SRGAP2: variants seen among roughly 807,000 people sequenced by gnomAD.
The protein encoded by SRGAP2 is SLIT-ROBO Rho GTPase-activating protein 2.
Under a neutral mutation model 57.2 loss-of-function variants are expected in SRGAP2, and 15 were observed. The observed-to-expected ratio is 0.26, with a 90% confidence interval of 0.18 to 0.40. SRGAP2 has a LOEUF of 0.40. SRGAP2 is among the 10% of genes least tolerant of loss of function. The pLI is 1.00. For synonymous variants in SRGAP2, 249 were observed against 248.0 expected (o/e 1.00, Z -0.04); for missense variants, 520 against 669.6 (o/e 0.78, Z 2.47).
intron 13 of SRGAP2, 81 bp from the exon 14 acceptor site, chr1:206,430,081 G>T: frequency 1.3e-6 from 1 of 772,416 alleles, no homozygotes. Context: ...AGACAGTTCT[G>T]CACGGTTTGG....
At chr1:206,401,077 A>G (rs1159575878) in intron 7 of SRGAP2, among the ~76,000 whole-genome samples, 1 of 151,774 alleles carries the variant, frequency 6.6e-6, no homozygotes, top group Non-Finnish European at 1.5e-5. Flanking sequence ...GAATTTTGTT[A>G]TAATGACAAC....
At chr1:206,377,374 A>C (rs1225470878) in intron 4 of SRGAP2, among the ~76,000 whole-genome samples, 1 of 151,508 alleles carries the variant, frequency 6.6e-6, no homozygotes, top group African/African-American at 2.4e-5. Context: ...GGGAGTCACT[A>C]ATACTGAAGC....
rs1057496407 is a variant in SRGAP2 at position 206,461,940 on chromosome 1, T to C, written c.*520T>C. The C allele has an allele frequency of 2.0e-5, 3 of 153,002 alleles. No homozygotes were observed. The highest frequency in any genetic ancestry group is 4.4e-5 in the Non-Finnish European group (3 of 68,718). 9.5% of individuals were successfully genotyped at this position (153,002 alleles called of 1,614,324 possible). ...ACACACACACACACATATGTTTTTC[T>C]AGTCTCTGGCATGTGTAGCCTCTCC... On this transcript the variant is annotated 3_prime_UTR_variant, in exon 23 of 23. Transcript: ENST00000573034.
chr1:206,392,975 C>T (rs2103101429), intron 6 of SRGAP2, 71 bp downstream of exon 6: 1 of 717,090 alleles, frequency 1.4e-6, no homozygotes. Flanking sequence ...AGGAATTTCC[C>T]AGTAGTCACT....
intron 2 of SRGAP2, among the ~76,000 whole-genome samples, chr1:206,217,262 G>A (rs1205944552): frequency 6.6e-6 from 1 of 152,056 alleles, no homozygotes; most frequent in African/African-American, 2.4e-5. Context: ...AGATGAGTAA[G>A]CTGCTCTTTG....
chr1:206,328,224 T>C (rs1674110716), intron 3 of SRGAP2, among the ~76,000 whole-genome samples: 1 of 60,944 alleles, frequency 1.6e-5, no homozygotes, highest in Non-Finnish European at 2.7e-5. Flanking sequence ...ACATTTGGGT[T>C]GGTTCCAAGT....
At chr1:206,425,508 TTAAC>T (rs1169774063) in intron 13 of SRGAP2, among the ~76,000 whole-genome samples, 4 of 152,182 alleles carry the variant, frequency 2.6e-5, no homozygotes, top group Admixed American at 1.3e-4. Flanking sequence ...TTTATACCCA[TTAAC>T]TAACCTCACT....
At chr1:206,327,464 A>T (rs1674021614) in intron 3 of SRGAP2, among the ~76,000 whole-genome samples, 1 of 144,050 alleles carries the variant, frequency 6.9e-6, no homozygotes, top group Admixed American at 7.0e-5. Flanking sequence ...TTTTGTGGGT[A>T]TGAATTCATT....
At chr1:206,410,564 C>T (rs907245305) in intron 10 of SRGAP2, among the ~76,000 whole-genome samples, 2 of 152,062 alleles carry the variant, frequency 1.3e-5, no homozygotes, top group Admixed American at 6.5e-5. Context: ...CAACAACTGA[C>T]GTATCTGTAA....
intron 10 of SRGAP2, among the ~76,000 whole-genome samples, chr1:206,408,817 T>C (rs1452894574): frequency 6.6e-6 from 1 of 151,842 alleles, no homozygotes; most frequent in Middle Eastern, 3.4e-3. Context: ...CCTTTCACTT[T>C]CTGTCTCAAT....
intron 2 of SRGAP2, among the ~76,000 whole-genome samples, chr1:206,259,447 C>A (rs1285374310): frequency 6.6e-6 from 1 of 150,844 alleles, no homozygotes; most frequent in African/African-American, 2.5e-5. Flanking sequence ...AGTGATCCTC[C>A]CACCTCAGCC....
At chr1:206,309,861 A>G (rs797039495) in intron 3 of SRGAP2, among the ~76,000 whole-genome samples, 17 of 149,424 alleles carry the variant, frequency 1.1e-4, no homozygotes, top group African/African-American at 4.1e-4. Flanking sequence ...AGAACAAAGA[A>G]CTAAATCCAG....
Position 206,458,942 on chromosome 1 carries a change from G to A in SRGAP2, c.2827G>A (p.Ala943Thr), listed in dbSNP as rs1553379593. 1 of 766,560 alleles carries A rather than the reference G, an allele frequency of 1.3e-6. No homozygotes were observed. The highest frequency in any genetic ancestry group is 1.7e-5 in the African/African-American group (1 of 58,780). 47.5% of individuals were successfully genotyped at this position (766,560 alleles called of 1,614,324 possible). The change falls in exon 22 of 23, where the codon GCT becomes ACT. Residue 943 changes from alanine to threonine, a missense_variant. By Grantham distance (58) the Ala-to-Thr change is moderately conservative. Transcript: ENST00000573034. ...NHRPMDPEVI[A>T]QDIEATMNSA... is the part of the protein sequence containing the mutation. Reference sequence around the variant, plus strand: ...TCGGCCCATGGACCCTGAGGTCATTGCTCAGGTAACTGTGGGCTCCTGGAC... The same window carrying A: ...TCGGCCCATGGACCCTGAGGTCATTACTCAGGTAACTGTGGGCTCCTGGAC...
chr1:206,373,205 C>G (rs547045029), intron 4 of SRGAP2, among the ~76,000 whole-genome samples: 1 of 144,762 alleles, frequency 6.9e-6, no homozygotes, highest in Admixed American at 6.9e-5. Flanking sequence ...AAGCAGTTCT[C>G]CCGCCTCAGC....
At position 206,454,721 on chromosome 1, in the gene SRGAP2, G is replaced by T; in HGVS notation, c.2361-157G>T. ...CCTTCAAAGGCCCTTAGGTTTCCTT[G>T]CCTCTGCTCACAGAACTAGTCCAGC... On this transcript the variant is annotated intron_variant, in intron 20 of 22. Transcript: ENST00000573034. This position sits in a 1 kb window ranked among gnomAD's most constrained non-coding sequence, Gnocchi z 4.3. 1.7e-6 allele frequency: 1 copy of T among 591,548 alleles called. No homozygotes were observed. 36.6% of individuals were successfully genotyped at this position (591,548 alleles called of 1,614,324 possible). A position where few individuals can be genotyped will look rare whatever the true frequency, so the allele number is the denominator to read the frequency against.
At chr1:206,369,075 T>C (rs1553342160) in intron 4 of SRGAP2, among the ~76,000 whole-genome samples, 1 of 152,162 alleles carries the variant, frequency 6.6e-6, no homozygotes, top group African/African-American at 2.4e-5. Flanking sequence ...CACTCAGTTA[T>C]AAATAATTAG....
At chr1:206,386,945 A>T (rs1282090985) in intron 5 of SRGAP2, among the ~76,000 whole-genome samples, 3 of 151,764 alleles carry the variant, frequency 2.0e-5, no homozygotes, top group Admixed American at 1.3e-4. Context: ...TAACACGGTG[A>T]AAACCCATCT....
chr1:206,253,817 T>C (rs1350507865), intron 2 of SRGAP2, among the ~76,000 whole-genome samples: 1 of 151,654 alleles, frequency 6.6e-6, no homozygotes, highest in Non-Finnish European at 1.5e-5. Flanking sequence ...TCCTTTTTTT[T>C]TTTTGTTTTA....
At position 206,454,263 on chromosome 1, in the gene SRGAP2, T is replaced by C. The variant is rs1663618349; in HGVS notation, c.2361-615T>C. ...GGCAATCTGTGCGTGGACAGGACCC[T>C]CCCAAATTTAGCATTATGACTTCAC... On this transcript the variant is annotated intron_variant, in intron 20 of 22. Coordinates refer to ENST00000573034, the MANE Select transcript of SRGAP2 (RefSeq NM_015326.5). The surrounding 1 kb of genome is among the most constrained non-coding windows in gnomAD (Gnocchi z 4.3). 4.3e-6 allele frequency: 3 copies of C among 691,510 alleles called. No individual in the cohort carries two copies. The highest frequency in any genetic ancestry group is 2.7e-5 in the East Asian group (1 of 37,072). The allele number at this position is 691,510 out of a possible 1,614,324, so 42.8% of individuals were successfully genotyped here. A position where few individuals can be genotyped will look rare whatever the true frequency, so the allele number is the denominator to read the frequency against.
Sources: gnomAD v4.1 joint callset for allele counts (sites outside exome capture counted in the v4.1 genomes callset) on GRCh38, gnomAD v4.1.1 for gene constraint, Gnocchi (gnomAD v3.1) non-coding constraint, MANE v1.5 for transcripts, NCBI Gene and HGNC (gene_info 2026-07-23, HGNC 2026-07-21) for gene names.